TTC29: variants seen among roughly 807,000 people sequenced by gnomAD.
TTC29 encodes tetratricopeptide repeat domain 29.
Under a neutral mutation model 58.1 loss-of-function variants are expected in TTC29, and 49 were observed. That is an observed-to-expected ratio of 0.84 (90% confidence interval 0.67 to 1.07). The LOEUF is 1.07. TTC29 is among the 50% of genes least tolerant of loss of function. TTC29 has a pLI of 0.00. For synonymous variants in TTC29, 209 were observed against 196.8 expected, an observed-to-expected ratio of 1.06 and a Z score of -0.52; for missense variants, 582 against 555.6, an observed-to-expected ratio of 1.05 and a Z score of -0.48.
chr4:146,940,008 C>T, intron 2 of TTC29, 107 bp from the exon 3 acceptor site: 16 of 1,064,652 alleles, frequency 1.5e-5, no homozygotes, highest in Non-Finnish European at 2.0e-5. Flanking sequence ...TTGAGAATGC[C>T]TATGTGTAGT....
chr4:146,867,418 C>A lies in TTC29; in HGVS notation c.885+80G>T, dbSNP rs979586175. 1.8e-5 allele frequency: 12 copies of A among 672,006 alleles called. No individual in the cohort carries two copies. The African/African-American group carries it at 2.1e-4, about 12-fold the overall frequency. The allele number at this position is 672,006 out of a possible 1,614,324, so 41.6% of individuals were successfully genotyped here. ...TCAGGCCTAACTCATTTCTATTGGC[C>A]TTGTAATAACATATAGGAAAATAAA... On this transcript the variant is annotated intron_variant, in intron 8 of 12. Transcript: ENST00000325106.
chr4:146,912,854 G>T (rs940109338), intron 4 of TTC29, among the ~76,000 whole-genome samples: 1 of 152,030 alleles, frequency 6.6e-6, no homozygotes, highest in Non-Finnish European at 1.5e-5. Context: ...AACATTTTAA[G>T]GAGACAAAAA....
At chr4:146,920,023 C>T (rs1579985303) in intron 4 of TTC29, among the ~76,000 whole-genome samples, 1 of 150,908 alleles carries the variant, frequency 6.6e-6, no homozygotes, top group Admixed American at 6.6e-5. Context: ...CTGTAGTTTG[C>T]ACCTTCCCAT....
At chr4:146,717,225 G>C (rs907053151) in intron 11 of TTC29, among the ~76,000 whole-genome samples, 5 of 152,070 alleles carry the variant, frequency 3.3e-5, no homozygotes, top group African/African-American at 1.2e-4. Flanking sequence ...CCCATGGATT[G>C]AGAACATATT....
chr4:146,917,884 A>T (rs905088373), intron 4 of TTC29, among the ~76,000 whole-genome samples: 1 of 150,122 alleles, frequency 6.7e-6, no homozygotes, highest in Non-Finnish European at 1.5e-5. Flanking sequence ...ATCTTTTATT[A>T]TATGAACTGA....
At chr4:146,840,981 G>A (rs544891838) in intron 8 of TTC29, among the ~76,000 whole-genome samples, 13 of 152,280 alleles carry the variant, frequency 8.5e-5, no homozygotes, top group African/African-American at 2.6e-4. Context: ...TGTGGACTAA[G>A]TTATTGCAGT....
At chr4:146,815,109 CA>C (rs1179923579) in intron 10 of TTC29, among the ~76,000 whole-genome samples, 2 of 152,088 alleles carry the variant, frequency 1.3e-5, no homozygotes, top group Admixed American at 1.3e-4. Context: ...TCGCATTTTA[CA>C]TTTTAAAATA....
chr4:146,885,865 TC>T (rs1731948860), intron 6 of TTC29, among the ~76,000 whole-genome samples: 3 of 152,136 alleles, frequency 2.0e-5, no homozygotes, highest in African/African-American at 7.2e-5. Flanking sequence ...TACTTTTTTG[TC>T]CCTATTATAA....
At chr4:146,789,034 C>T (rs1169406087) in intron 11 of TTC29, among the ~76,000 whole-genome samples, 2 of 152,054 alleles carry the variant, frequency 1.3e-5, no homozygotes, top group East Asian at 1.9e-4. Flanking sequence ...TTTCCATATT[C>T]CATCTGTGAA....
chr4:146,902,055 T>C (rs1165736024), intron 6 of TTC29, among the ~76,000 whole-genome samples: 1 of 152,242 alleles, frequency 6.6e-6, no homozygotes, highest in Non-Finnish European at 1.5e-5. Context: ...ATACTATAGA[T>C]TGCACTGCAG....
At chr4:146,736,031 T>C (rs1019875264) in intron 11 of TTC29, among the ~76,000 whole-genome samples, 2 of 152,162 alleles carry the variant, frequency 1.3e-5, no homozygotes, top group African/African-American at 4.8e-5. Context: ...AGGGAGTCCC[T>C]GCCGGTCATC....
intron 11 of TTC29, among the ~76,000 whole-genome samples, chr4:146,794,358 T>C (rs774009263): frequency 6.6e-5 from 10 of 152,150 alleles, no homozygotes; most frequent in Non-Finnish European, 1.3e-4. Context: ...AATTAGTTTT[T>C]TCATATTATG....
intron 8 of TTC29, among the ~76,000 whole-genome samples, chr4:146,867,160 CT>C (rs1254855156): frequency 6.6e-6 from 1 of 152,112 alleles, no homozygotes; most frequent in Non-Finnish European, 1.5e-5. Context: ...ACTGTAATTT[CT>C]TTTTTGTTAC....
intron 11 of TTC29, among the ~76,000 whole-genome samples, chr4:146,785,089 G>A (rs1368057780): frequency 6.6e-6 from 1 of 151,988 alleles, no homozygotes; most frequent in Admixed American, 6.6e-5. Flanking sequence ...TTGTGTAAGA[G>A]TGTGTGTGTC....
Position 146,833,854 on chromosome 4 carries a change from T to C in TTC29, c.929A>G (p.Asp310Gly). ...YCKISTDLDDDLSLGRGYEAI... is the reference protein window; with the variant it reads ...YCKISTDLDDGLSLGRGYEAI... ...TTCATAGCCTCTCCCCAGACTGAGA[T>C]CATCATCCAGGTCTGTGGAGATTTT... is the stretch of plus-strand genomic sequence containing the variant. The change falls in exon 9 of 13, where the codon GAT becomes GGT. Residue 310 changes from aspartate to glycine, a missense_variant. Asp to Gly is a moderately conservative substitution (Grantham distance 94). Transcript: ENST00000325106. 1 of 1,613,330 alleles carries C rather than the reference T, an allele frequency of 6.2e-7. No homozygotes were observed. The highest frequency in any genetic ancestry group is 1.1e-5 in the South Asian group (1 of 91,066).
chr4:146,753,263 A>T (rs1229791832), intron 11 of TTC29, among the ~76,000 whole-genome samples: 20 of 152,246 alleles, frequency 1.3e-4, no homozygotes, highest in Admixed American at 5.2e-4. Context: ...ATACTTCTCA[A>T]AAGAAGACAT....
intron 9 of TTC29, among the ~76,000 whole-genome samples, chr4:146,833,578 A>T (rs1728307889): frequency 6.6e-6 from 1 of 152,206 alleles, no homozygotes; most frequent in African/African-American, 2.4e-5. Flanking sequence ...ACTTACAGAA[A>T]ACCAAAAAGA....
intron 11 of TTC29, among the ~76,000 whole-genome samples, chr4:146,801,147 A>T (rs1446655488): frequency 2.6e-5 from 4 of 152,170 alleles, no homozygotes; most frequent in African/African-American, 9.7e-5. Context: ...CTTGTATTTA[A>T]TGAACAGGCA....
intron 8 of TTC29, among the ~76,000 whole-genome samples, chr4:146,844,506 A>G (rs1729042320): frequency 6.6e-6 from 1 of 152,150 alleles, no homozygotes; most frequent in African/African-American, 2.4e-5. Context: ...AGCTCCTTGA[A>G]AGAAAAATTT....
Sources: allele counts gnomAD v4.1 joint callset (sites outside exome capture counted in the v4.1 genomes callset), GRCh38; gene constraint gnomAD v4.1.1; transcripts MANE v1.5; gene names NCBI Gene and HGNC (gene_info 2026-07-23, HGNC 2026-07-21).